Variants in CLIP2 observed in about 807,000 individuals in gnomAD.
The protein encoded by CLIP2 is CAP-Gly domain-containing linker protein 2.
CLIP2 carries 41 observed loss-of-function variants against 111.7 expected under a neutral mutation model. The ratio of observed to expected loss-of-function variants is 0.37; its 90% CI spans 0.29 to 0.48. The LOEUF (loss-of-function observed/expected upper bound fraction) is 0.48. CLIP2 is among the 20% of genes least tolerant of loss of function. CLIP2 has a pLI of 0.99. For synonymous variants in CLIP2, 660 were observed against 644.2 expected, an observed-to-expected ratio of 1.02 and a Z score of -0.37; for missense variants, 1,160 against 1,422.1, an observed-to-expected ratio of 0.82 and a Z score of 2.96.
Position 74,354,000 on chromosome 7 carries a change from A to ACCG in CLIP2, c.801_802insGCC (p.Thr267_Arg268insAla), listed in dbSNP as rs1477120517. The ACCG allele has an allele frequency of 1.2e-6, 2 of 1,611,184 alleles. No individual in the cohort carries two copies. The highest frequency in any genetic ancestry group is 1.7e-6 in the Non-Finnish European group (2 of 1,178,256). The stretch of plus-strand genomic sequence containing the variant: ...GAAGAATGATGGGGCGGTGGCGGGC[A>ACCG]CCAGGTATGGTGGGCTTCTTCTGGG... On this transcript the variant is annotated inframe_insertion, in exon 4 of 17. Transcript: ENST00000223398.
intron 7 of CLIP2, among the ~76,000 whole-genome samples, chr7:74,360,953 C>A (rs1554309585): frequency 6.6e-6 from 1 of 152,076 alleles, no homozygotes; most frequent in African/African-American, 2.4e-5. Context: ...GGTTATCACA[C>A]CAGGTGTCCC....
chr7:74,361,156 C>T (rs1477823121), intron 7 of CLIP2, among the ~76,000 whole-genome samples: 1 of 61,258 alleles, frequency 1.6e-5, no homozygotes, highest in African/African-American at 5.7e-5. Flanking sequence ...TCCTTCTTCC[C>T]TCCCTCCCTC....
At chr7:74,299,010 C>T in intron 1 of CLIP2, among the ~76,000 whole-genome samples, 1 of 151,992 alleles carries the variant, frequency 6.6e-6, no homozygotes, top group Non-Finnish European at 1.5e-5. Context: ...ACATGCAGTT[C>T]CCTTTCTGGA....
chr7:74,320,483 C>T (rs988685801), intron 2 of CLIP2, among the ~76,000 whole-genome samples: 46 of 152,134 alleles, frequency 3.0e-4, no homozygotes, highest in African/African-American at 1.1e-3. Context: ...GATCACACCA[C>T]TGCACTCCAA....
At chr7:74,349,311 A>T (rs1554307016) in intron 3 of CLIP2, among the ~76,000 whole-genome samples, 1 of 150,206 alleles carries the variant, frequency 6.7e-6, no homozygotes, top group Non-Finnish European at 1.5e-5. Context: ...CGTGCCTGTA[A>T]TCCCAGCTAC....
At chr7:74,383,636 G>A (rs1259833049) in intron 11 of CLIP2, among the ~76,000 whole-genome samples, 1 of 152,106 alleles carries the variant, frequency 6.6e-6, no homozygotes, top group Non-Finnish European at 1.5e-5. Flanking sequence ...GGCATTTAGC[G>A]CAGTCAACAA....
intron 2 of CLIP2, among the ~76,000 whole-genome samples, chr7:74,337,509 G>T (rs376835150): frequency 9.2e-5 from 14 of 152,190 alleles, no homozygotes; most frequent in Non-Finnish European, 1.8e-4. Flanking sequence ...CCACCTGGTG[G>T]GGGGGTGGCT....
chr7:74,313,295 C>CA (rs1788688772), intron 1 of CLIP2, among the ~76,000 whole-genome samples: 1 of 151,762 alleles, frequency 6.6e-6, no homozygotes, highest in Admixed American at 6.6e-5. Context: ...TGGAGTGGCT[C>CA]ACGCCTGTAA....
intron 16 of CLIP2, 32 bp downstream of exon 16, chr7:74,401,599 C>A: frequency 6.2e-7 from 1 of 1,601,276 alleles, no homozygotes; most frequent in Non-Finnish European, 8.5e-7. Context: ...CCAGGTCCCT[C>A]CCGTGCAGGC....
intron 1 of CLIP2, among the ~76,000 whole-genome samples, chr7:74,294,351 C>T (rs535303368): frequency 1.3e-5 from 2 of 152,264 alleles, no homozygotes; most frequent in East Asian, 3.9e-4. Flanking sequence ...GAAACGTTTC[C>T]CTTCTGAATA....
intron 1 of CLIP2, among the ~76,000 whole-genome samples, chr7:74,304,968 GAATA>G (rs782271276): frequency 6.8e-6 from 1 of 147,252 alleles, no homozygotes; most frequent in African/African-American, 2.5e-5. Context: ...ATGAATGAAT[GAATA>G]AATAAATAAA....
chr7:74,354,471 TG>T (rs1260058289), intron 4 of CLIP2, among the ~76,000 whole-genome samples: 1 of 152,070 alleles, frequency 6.6e-6, no homozygotes, highest in Non-Finnish European at 1.5e-5. Flanking sequence ...AAAAATTAAC[TG>T]GGCATGGTGA....
rs1476544729 is a variant in CLIP2, at chr7:74,404,537, A to C, written c.*689A>C. 1 of 153,188 alleles carries C rather than the reference A, an allele frequency of 6.5e-6. No homozygotes were observed. Among genetic ancestry groups the C allele is most frequent in the African/African-American group, 2.4e-5 (1 of 41,420 alleles). 9.5% of individuals were successfully genotyped at this position (153,188 alleles called of 1,614,324 possible). On this transcript the variant is annotated 3_prime_UTR_variant, in exon 17 of 17. Transcript: ENST00000223398. ...CCAACACCAACACACACACACCTCT[A>C]AGCTGCTGGCCGAAGATGTCACCAA...
rs1482571919 is a variant in CLIP2 at position 74,323,869 on chromosome 7, C to CT, written c.121+6203dup. ...CCATATAGGTTTGTGTAAGTACACT[C>CT]TGTGATGTTCACAGGACAACAAAAT... On this transcript the variant is annotated intron_variant, in intron 2 of 16. Transcript: ENST00000223398. Among the ~76,000 whole-genome samples the CT allele has an allele frequency of 1.2e-4, 18 of 152,218 alleles. 1 individual carries two copies. Among genetic ancestry groups the CT allele is most frequent in the Admixed American group, 3.9e-4 (6 of 15,274 alleles).
chr7:74,394,103 C>G (rs1195910963), intron 13 of CLIP2, among the ~76,000 whole-genome samples: 1 of 152,160 alleles, frequency 6.6e-6, no homozygotes, highest in Non-Finnish European at 1.5e-5. Flanking sequence ...TTTTCCCTGT[C>G]ATCTGAAGCC....
chr7:74,313,234 G>T (rs940203596), intron 1 of CLIP2, among the ~76,000 whole-genome samples: 2 of 151,902 alleles, frequency 1.3e-5, no homozygotes, highest in Non-Finnish European at 2.9e-5. Flanking sequence ...GAGCCTGGGA[G>T]GTTGAGGCTG....
chr7:74,345,387 A>T (rs1206963338), intron 3 of CLIP2, among the ~76,000 whole-genome samples: 1 of 151,884 alleles, frequency 6.6e-6, no homozygotes, highest in African/African-American at 2.4e-5. Flanking sequence ...GGCATGCGCC[A>T]CCCACCTGGC....
chr7:74,325,003 T>C (rs1250470272), intron 2 of CLIP2, among the ~76,000 whole-genome samples: 1 of 151,998 alleles, frequency 6.6e-6, no homozygotes, highest in African/African-American at 2.4e-5. Flanking sequence ...AGTGGGCAGC[T>C]CGAGATGTGT....
intron 11 of CLIP2, among the ~76,000 whole-genome samples, chr7:74,385,562 G>A (rs1562723892): frequency 6.6e-6 from 1 of 151,712 alleles, no homozygotes; most frequent in African/African-American, 2.4e-5. Context: ...ATGTTTCTGG[G>A]TACTTGGCAT....
Sources: gnomAD v4.1 joint callset for allele counts (sites outside exome capture counted in the v4.1 genomes callset) on GRCh38, gnomAD v4.1.1 for gene constraint, MANE v1.5 for transcripts, NCBI Gene and HGNC (gene_info 2026-07-23, HGNC 2026-07-21) for gene names.